SLC3A2: variants seen among roughly 807,000 people sequenced by gnomAD.
SLC3A2 encodes the protein amino acid transporter heavy chain SLC3A2.
SLC3A2 carries 32 observed loss-of-function variants against 48.5 expected under a neutral mutation model. The ratio of observed to expected loss-of-function variants is 0.66; its 90% CI spans 0.50 to 0.89. The LOEUF is 0.89. Ranked by LOEUF, SLC3A2 falls within the 40% of genes least tolerant of loss-of-function variation. The pLI, the probability that SLC3A2 is intolerant of heterozygous loss-of-function variation, is 0.00. For synonymous variants in SLC3A2, 277 were observed against 288.8 expected (o/e 0.96, Z 0.41); for missense variants, 587 against 680.7 (o/e 0.86, Z 1.53).
At position 62,881,460 on chromosome 11, in the gene SLC3A2, C is replaced by T. The variant is rs1293697307; in HGVS notation, c.424+13C>T. The T allele has an allele frequency of 1.3e-6, 2 of 1,564,408 alleles. No homozygotes were observed. The highest frequency in any genetic ancestry group is 3.5e-5 in the Admixed American group (2 of 56,602). On this transcript the variant is annotated intron_variant, in intron 1 of 8. Coordinates refer to ENST00000338663, the MANE Select transcript of SLC3A2 (RefSeq NM_001013251.3). The surrounding 1 kb of genome is among the most constrained non-coding windows in gnomAD (Gnocchi z 4.0). ...GGCAACCTGGCGGGTGAGTGCAGCG[C>T]GCCCCCGTCCCGGGTACCTCCGGTT...
chr11:62,887,699 CAAAAAAA>C (rs753559403), intron 7 of SLC3A2, among the ~76,000 whole-genome samples: 10 of 89,584 alleles, frequency 1.1e-4, no homozygotes, highest in Admixed American at 1.2e-4. Flanking sequence ...GACTCCGTCT[CAAAAAAA>C]AAAAAAAAAA....
chr11:62,858,581 G>A lies in SLC3A2; in HGVS notation c.112+2200G>A, dbSNP rs1428455529. The stretch of plus-strand genomic sequence containing the variant: ...CTCCTAAGGTGGAACGAGAGACTTA[G>A]GAAAGAAAAAGACAGAGACAAAGTA... On this transcript the variant is annotated intron_variant, in intron 1 of 9. Transcript: ENST00000377889. Among the ~76,000 whole-genome samples, 4 of 152,146 alleles carry A rather than the reference G, an allele frequency of 2.6e-5. No individual in the cohort carries two copies. The East Asian group carries it at 7.7e-4, about 29-fold the overall frequency.
chr11:62,870,846 AATAATAATAATT>A lies in SLC3A2; in HGVS notation c.113-10170_113-10159del, dbSNP rs761289856. On this transcript the variant is annotated intron_variant, in intron 1 of 9. Transcript: ENST00000377889. ...GAATGCCGAGATGATAGGTAATAAT[AATAATAATAATT>A]ATTATTATTATTATTATTATTATTA... The A allele has an allele frequency of 8.2e-3, 1,166 of 141,582 alleles. 25 individuals carry two copies. The highest frequency in any genetic ancestry group is 0.05 in the African/African-American group (1,111 of 22,370). The allele number at this position is 141,582 out of a possible 1,614,324, so 8.8% of individuals were successfully genotyped here.
At position 62,888,786 on chromosome 11, in the gene SLC3A2, CTG is replaced by C. The variant is rs371263694; in HGVS notation, c.*95_*96del. 1.9e-4 allele frequency: 248 copies of C among 1,277,486 alleles called. 1 individual carries two copies. The highest frequency in any genetic ancestry group is 3.4e-4 in the African/African-American group (23 of 66,832). 79.1% of individuals were successfully genotyped at this position (1,277,486 alleles called of 1,614,324 possible). On this transcript the variant is annotated 3_prime_UTR_variant, in exon 9 of 9. Coordinates refer to ENST00000338663, the MANE Select transcript of SLC3A2 (RefSeq NM_001013251.3). ...TCTTTTTTAAAAACAAACAAACAAA[CTG>C]TTGCAGATTATGAGTGAACCCCCAA... is the stretch of plus-strand genomic sequence containing the variant.
rs566886584 is a variant in SLC3A2 at position 62,882,081 on chromosome 11, G to A, written c.598+15G>A. 2 of 1,614,002 alleles carry A rather than the reference G, an allele frequency of 1.2e-6. No individual in the cohort carries two copies. Among genetic ancestry groups the A allele is most frequent in the East Asian group, 2.2e-5 (1 of 44,884 alleles). On this transcript the variant is annotated intron_variant, in intron 2 of 8. Transcript: ENST00000338663. The stretch of plus-strand genomic sequence containing the variant: ...TAAAAAAAAGAGTGGGTATCCTGGG[G>A]TTCCCAAGGAAACAGCTAGAAAGGA...
rs750585468 is a variant in SLC3A2, at chr11:62,882,901, G to A, written c.599-7G>A. On this transcript the variant is annotated splice_polypyrimidine_tract_variant and splice_region_variant and intron_variant, in intron 2 of 8. Transcript: ENST00000338663. ...TCTCATGATTGCGTCTTCCTCCGTT[G>A]TTTTAGGCATCCGTGTCATTCTGGA... is the stretch of plus-strand genomic sequence containing the variant. 2.5e-6 allele frequency: 4 copies of A among 1,612,660 alleles called. No homozygotes were observed. The highest frequency in any genetic ancestry group is 3.4e-6 in the Non-Finnish European group (4 of 1,178,652).
At chr11:62,876,835 C>A, upstream of SLC3A2, 1 of 819,750 alleles carries the variant, frequency 1.2e-6, no homozygotes, top group Non-Finnish European at 1.6e-6. Context: ...TTCCTGACCT[C>A]AATTGATCCG....
intron 6 of SLC3A2, 26 bp downstream of exon 6, chr11:62,885,383 G>A: frequency 6.2e-7 from 1 of 1,614,034 alleles, no homozygotes; most frequent in Non-Finnish European, 8.5e-7. Context: ...GTGGGAAAGG[G>A]GGCAGATGGG....
At chr11:62,888,261 GC>G (rs770382208) in intron 8 of SLC3A2, 43 bp downstream of exon 8, 17 of 1,610,024 alleles carry the variant, frequency 1.1e-5, no homozygotes, top group Non-Finnish European at 1.4e-5. Flanking sequence ...TGGAGGGTGG[GC>G]TGGGCTTGTA....
chr11:62,882,753 ATC>A, intron 2 of SLC3A2, 153 bp from the exon 3 acceptor site: 1 of 670,388 alleles, frequency 1.5e-6, no homozygotes, highest in East Asian at 2.8e-5. Context: ...CCTTGCTCAC[ATC>A]TGTTTCAATG....
At chr11:62,884,934 C>T (rs547704198) in intron 5 of SLC3A2, among the ~76,000 whole-genome samples, 4 of 137,436 alleles carry the variant, frequency 2.9e-5, no homozygotes, top group Admixed American at 8.4e-5. Flanking sequence ...TGGGTTCAAG[C>T]GATTCTCCTG....
At chr11:62,873,594 T>A (rs2134994458) in intron 1 of SLC3A2, among the ~76,000 whole-genome samples, 1 of 152,194 alleles carries the variant, frequency 6.6e-6, no homozygotes, top group Admixed American at 6.6e-5. Context: ...TGCAAAGTGC[T>A]GGGAGTACTA....
At chr11:62,868,227 T>A (rs2085473705) in intron 1 of SLC3A2, among the ~76,000 whole-genome samples, 2 of 151,988 alleles carry the variant, frequency 1.3e-5, no homozygotes, top group Non-Finnish European at 2.9e-5. Context: ...TGGCCTATTT[T>A]TCAAATTTCC....
At chr11:62,884,988 C>T (rs1228507901) in intron 5 of SLC3A2, among the ~76,000 whole-genome samples, 189 bp from the exon 6 acceptor site, 5 of 151,832 alleles carry the variant, frequency 3.3e-5, no homozygotes, top group African/African-American at 7.3e-5. Flanking sequence ...CGGGCCACCA[C>T]ACCTGGCTAA....
At chr11:62,856,682 G>A (rs981785134) in intron 1 of SLC3A2, among the ~76,000 whole-genome samples, 12 of 152,194 alleles carry the variant, frequency 7.9e-5, no homozygotes, top group Admixed American at 3.9e-4. Context: ...AAGAGCTCCG[G>A]CGGTGCTGCC....
At chr11:62,867,853 T>G (rs935942556) in intron 1 of SLC3A2, among the ~76,000 whole-genome samples, 2 of 152,138 alleles carry the variant, frequency 1.3e-5, no homozygotes, top group Non-Finnish European at 2.9e-5. Flanking sequence ...TCAAATTTAG[T>G]CATTTCTAGT....
At chr11:62,870,851 TAATA>T (rs1199424202) in intron 1 of SLC3A2, 582 of 139,794 alleles carry the variant, frequency 4.2e-3, no homozygotes, top group African/African-American at 0.023. Flanking sequence ...ATAATAATAA[TAATA>T]ATTATTATTA....
Position 62,888,358 on chromosome 11 carries a change from C to G in SLC3A2, c.1255C>G (p.Leu419Val). ...KGQSEDPGSL[L>V]SLFRRLSDQR... The stretch of plus-strand genomic sequence containing the variant: ...CCAGAGTGAAGACCCTGGCTCCCTC[C>G]TTTCCTTGTTCCGGCGGCTGAGTGA... The change falls in exon 9 of 9, where the codon CTT (leucine) becomes GTT (valine). Residue 419 changes from leucine (L) to valine (V), a missense_variant. Leu to Val is a conservative substitution (Grantham distance 32). Coordinates refer to ENST00000338663, the MANE Select transcript of SLC3A2 (RefSeq NM_001013251.3). 6.2e-7 allele frequency: 1 copy of G among 1,614,154 alleles called. No homozygotes were observed. Among genetic ancestry groups the G allele is most frequent in the East Asian group, 2.2e-5 (1 of 44,882 alleles).
rs530456891 is a variant in SLC3A2 at position 62,867,166 on chromosome 11, A to G, written c.112+10785A>G. On this transcript the variant is annotated intron_variant, in intron 1 of 9. Transcript: ENST00000377889. Reference sequence around the variant, plus strand: ...CTACCACGCCCAGCTAATTTTTTGTATTTTTAGTAGAGATGGGGTTTCTCC... The same window carrying G: ...CTACCACGCCCAGCTAATTTTTTGTGTTTTTAGTAGAGATGGGGTTTCTCC... Among the ~76,000 whole-genome samples, 9 of 148,222 alleles carry G rather than the reference A, an allele frequency of 6.1e-5. No individual in the cohort carries two copies. In the South Asian group the frequency reaches 1.9e-3, roughly 32 times the overall value.
Sources: allele counts gnomAD v4.1 joint callset (sites outside exome capture counted in the v4.1 genomes callset), GRCh38; gene constraint gnomAD v4.1.1; non-coding constraint Gnocchi (gnomAD v3.1); transcripts MANE v1.5; gene names NCBI Gene and HGNC (gene_info 2026-07-23, HGNC 2026-07-21).